The following TMEM132B variants were observed in gnomAD, a reference collection of about 807,000 sequenced individuals.
The protein encoded by TMEM132B is transmembrane protein 132B.
In TMEM132B, 18 loss-of-function variants were observed where a neutral mutation model predicts 90.8. That is an observed-to-expected ratio of 0.20 (90% confidence interval 0.14 to 0.29). The LOEUF (loss-of-function observed/expected upper bound fraction) is 0.29. Among genes scored for constraint, TMEM132B ranks in the 10% least tolerant of loss-of-function variants. The pLI is 1.00. For missense variants in TMEM132B, 1,096 were observed against 1,326.8 expected (o/e 0.83, Z 2.70); for synonymous variants, 504 against 523.3 (o/e 0.96, Z 0.50).
intron 1 of TMEM132B, among the ~76,000 whole-genome samples, chr12:125,308,471 T>C (rs1051440604): frequency 2.6e-5 from 4 of 152,148 alleles, no homozygotes; most frequent in Non-Finnish European, 5.9e-5. Flanking sequence ...TCTGACTGAG[T>C]GCTTAGCCTT....
intron 1 of TMEM132B, among the ~76,000 whole-genome samples, chr12:125,197,898 T>A (rs1286597960): frequency 6.6e-6 from 1 of 152,254 alleles, no homozygotes; most frequent in African/African-American, 2.4e-5. Context: ...GAGTAGGTTT[T>A]GGTAATTACA....
intron 2 of TMEM132B, among the ~76,000 whole-genome samples, chr12:125,402,346 C>T (rs570530965): frequency 1.3e-5 from 2 of 152,266 alleles, no homozygotes; most frequent in Admixed American, 1.3e-4. Context: ...ACCACCACCA[C>T]GCCTGGCTAA....
chr12:125,627,146 A>G (rs1272830661), intron 5 of TMEM132B, among the ~76,000 whole-genome samples: 1 of 152,014 alleles, frequency 6.6e-6, no homozygotes, highest in South Asian at 2.1e-4. Flanking sequence ...CCATTTTATT[A>G]TTCCTTATTG....
At chr12:125,205,425 A>G (rs1198975023) in intron 1 of TMEM132B, among the ~76,000 whole-genome samples, 1 of 150,770 alleles carries the variant, frequency 6.6e-6, no homozygotes, top group Non-Finnish European at 1.5e-5. Flanking sequence ...AATCCTTTCA[A>G]TGAGGGCTCC....
Position 125,583,841 on chromosome 12 carries a change from T to C in TMEM132B, c.1294-10T>C. The C allele has an allele frequency of 6.2e-7, 1 of 1,613,830 alleles. No homozygotes were observed. Among genetic ancestry groups the C allele is most frequent in the South Asian group, 1.1e-5 (1 of 91,060 alleles). On this transcript the variant is annotated splice_polypyrimidine_tract_variant and intron_variant, in intron 4 of 8. Transcript: ENST00000682704. ...GTTTGCTGATCTGAGCCCTCTCCTC[T>C]CCTGTTTAGGACACCGAGGTTTTGA...
intron 1 of TMEM132B, among the ~76,000 whole-genome samples, chr12:125,307,939 C>A: frequency 1.5e-5 from 2 of 130,634 alleles, no homozygotes; most frequent in Admixed American, 1.6e-4. Context: ...TTAATATATA[C>A]TTATATTACA....
intron 1 of TMEM132B, among the ~76,000 whole-genome samples, chr12:125,316,045 A>G (rs1416918030): frequency 3.9e-5 from 6 of 152,152 alleles, no homozygotes; most frequent in Non-Finnish European, 8.8e-5. Flanking sequence ...TGTCCTGGAT[A>G]CTGAGTTCCC....
intron 4 of TMEM132B, among the ~76,000 whole-genome samples, chr12:125,565,847 T>C (rs1884646671): frequency 6.6e-6 from 1 of 152,206 alleles, no homozygotes; most frequent in African/African-American, 2.4e-5. Context: ...AAGGCAACTT[T>C]TGGGTGTGAA....
intron 5 of TMEM132B, among the ~76,000 whole-genome samples, chr12:125,624,848 G>T (rs569126582): frequency 6.6e-6 from 1 of 152,070 alleles, no homozygotes; most frequent in Admixed American, 6.5e-5. Context: ...TCCAAACATC[G>T]TGGTCGATGT....
chr12:125,252,602 C>T (rs1433897631), intron 1 of TMEM132B, among the ~76,000 whole-genome samples: 1 of 152,210 alleles, frequency 6.6e-6, no homozygotes, highest in Non-Finnish European at 1.5e-5. Context: ...CCACAGTTCA[C>T]CCGGAACCCC....
chr12:125,266,692 A>C (rs2136115060), intron 1 of TMEM132B, among the ~76,000 whole-genome samples: 1 of 152,270 alleles, frequency 6.6e-6, no homozygotes, highest in South Asian at 2.1e-4. Context: ...ATGTTACCCA[A>C]GTTTTCTTTT....
At position 125,406,934 on chromosome 12, in the gene TMEM132B, G is replaced by A. The variant is rs1358155240; in HGVS notation, c.960-8597G>A. On this transcript the variant is annotated intron_variant, in intron 2 of 8. Coordinates refer to ENST00000682704, the MANE Select transcript of TMEM132B (RefSeq NM_001366854.1). This position sits in a 1 kb window ranked among gnomAD's most constrained non-coding sequence, Gnocchi z 8.3. Reference sequence around the variant, plus strand: ...GAGTAGGATCCAGTAGAGGTCCAGGGCAAGCTCCCAGTTGACCTTTCCCAG... The same window carrying A: ...GAGTAGGATCCAGTAGAGGTCCAGGACAAGCTCCCAGTTGACCTTTCCCAG... Among the ~76,000 whole-genome samples, 5 of 152,224 alleles carry A rather than the reference G, an allele frequency of 3.3e-5. No individual in the cohort carries two copies. Among genetic ancestry groups the A allele is most frequent in the South Asian group, 2.1e-4 (1 of 4,832 alleles).
chr12:125,560,582 G>C (rs1163272284), intron 4 of TMEM132B, among the ~76,000 whole-genome samples: 1 of 152,000 alleles, frequency 6.6e-6, no homozygotes, highest in East Asian at 1.9e-4. Context: ...CAGCACTTTG[G>C]GAGGCCGAGG....
At position 125,382,948 on chromosome 12, in the gene TMEM132B, C is replaced by T. The variant is rs149033390; in HGVS notation, c.960-32583C>T. Among the ~76,000 whole-genome samples the T allele has an allele frequency of 7.0e-3, 1,070 of 152,252 alleles. 5 individuals are homozygous for T. The highest frequency in any genetic ancestry group is 0.014 in the Middle Eastern group (4 of 294). ...CAGGTAAAGGTAGGGGTCCTGTGTT[C>T]CACAGAAGAGGGTTTTTTGACAACT... On this transcript the variant is annotated intron_variant, in intron 2 of 8. Transcript: ENST00000682704.
intron 3 of TMEM132B, among the ~76,000 whole-genome samples, chr12:125,494,528 T>C (rs1882472265): frequency 1.1e-5 from 1 of 91,400 alleles, no homozygotes; most frequent in African/African-American, 4.4e-5. Context: ...CCCTCCTCCC[T>C]GGAAATGGCT....
Position 125,259,919 on chromosome 12 carries a change from G to A in TMEM132B, c.67+73053G>A, listed in dbSNP as rs939441115. On this transcript the variant is annotated intron_variant, in intron 1 of 8. Transcript: ENST00000682704. ...CTGCAGAGTCTTCCAGTCAGCTCTC[G>A]GTGACCTTGTTTGCCCAGAGGGGTC... Among the ~76,000 whole-genome samples, 4 of 152,070 alleles carry A rather than the reference G, an allele frequency of 2.6e-5. No individual in the cohort carries two copies. In the South Asian group the frequency reaches 6.2e-4, roughly 24 times the overall value.
At chr12:125,419,920 G>T (rs940356004) in intron 3 of TMEM132B, among the ~76,000 whole-genome samples, 1 of 152,216 alleles carries the variant, frequency 6.6e-6, no homozygotes, top group Admixed American at 6.5e-5. Flanking sequence ...CTGAAATCCA[G>T]TGGGGCACTC....
chr12:125,467,460 G>A (rs766058507), intron 3 of TMEM132B, among the ~76,000 whole-genome samples: 33 of 151,194 alleles, frequency 2.2e-4, no homozygotes, highest in Non-Finnish European at 4.4e-4. Context: ...TTCTCCTTTG[G>A]AAAAAGAGCA....
rs143469293 is a variant in TMEM132B at position 125,490,679 on chromosome 12, G to T, written c.1107-28760G>T. On this transcript the variant is annotated intron_variant, in intron 3 of 8. Transcript: ENST00000682704. The surrounding 1 kb of genome is among the most constrained non-coding windows in gnomAD (Gnocchi z 4.2). ...GATGGGGTTTCACTGTGTTAGCTAG[G>T]ATGGTCTCGATCTCCTGACCTCGTG... 7.9e-5 allele frequency among the ~76,000 whole-genome samples: 12 copies of T among 152,200 alleles called. No homozygotes were observed. In the East Asian group the frequency reaches 2.3e-3, roughly 29 times the overall value.
Sources: gnomAD v4.1 joint callset for allele counts (sites outside exome capture counted in the v4.1 genomes callset) on GRCh38, gnomAD v4.1.1 for gene constraint, Gnocchi (gnomAD v3.1) non-coding constraint, MANE v1.5 for transcripts, NCBI Gene and HGNC (gene_info 2026-07-23, HGNC 2026-07-21) for gene names.